Variants in ZBTB46 observed in about 807,000 individuals in gnomAD.
ZBTB46 encodes zinc finger and BTB domain-containing protein 46.
ZBTB46 carries 8 observed loss-of-function variants against 44.1 expected under a neutral mutation model. The ratio of observed to expected loss-of-function variants is 0.18; its 90% confidence interval spans 0.11 to 0.33. ZBTB46 has a LOEUF of 0.33. ZBTB46 is among the 10% of genes least tolerant of loss of function. The probability of loss-of-function intolerance (pLI) is 1.00; values close to 1 mark genes in which losing one functional copy is unlikely to be tolerated. For missense variants in ZBTB46, 651 were observed against 847.7 expected (o/e 0.77, Z 2.88); for synonymous variants, 409 against 382.3 (o/e 1.07, Z -0.81).
At chr20:63,749,535 A>G (rs976777690) in intron 4 of ZBTB46, among the ~76,000 whole-genome samples, 2 of 152,118 alleles carry the variant, frequency 1.3e-5, no homozygotes, top group Non-Finnish European at 2.9e-5. Context: ...ACGGGGTTTC[A>G]CCGTGTTAGC....
At chr20:63,785,628 TAAGA>T (rs1466722707) in intron 2 of ZBTB46, among the ~76,000 whole-genome samples, 1 of 152,184 alleles carries the variant, frequency 6.6e-6, no homozygotes, top group African/African-American at 2.4e-5. Flanking sequence ...TCCTCTTCTC[TAAGA>T]TAGAATAAAT....
At chr20:63,756,795 T>C (rs1275894443) in intron 3 of ZBTB46, among the ~76,000 whole-genome samples, 3 of 152,214 alleles carry the variant, frequency 2.0e-5, no homozygotes, top group Admixed American at 6.5e-5. Flanking sequence ...GTGTTGGGCT[T>C]TCTTCACTAG....
intron 1 of ZBTB46, among the ~76,000 whole-genome samples, chr20:63,793,062 G>A (rs964113769): frequency 2.6e-5 from 4 of 152,094 alleles, no homozygotes; most frequent in African/African-American, 7.2e-5. Flanking sequence ...CTGTGACGGC[G>A]GTGACCGCTG....
chr20:63,751,239 C>T (rs760775120), intron 4 of ZBTB46, among the ~76,000 whole-genome samples: 1 of 152,074 alleles, frequency 6.6e-6, no homozygotes, highest in African/African-American at 2.4e-5. Flanking sequence ...CCGGCGGCTC[C>T]GCGTGGATGT....
intron 1 of ZBTB46, among the ~76,000 whole-genome samples, chr20:63,806,424 G>GAAAAGAA (rs56746531): frequency 2.1e-5 from 3 of 141,604 alleles, no homozygotes; most frequent in African/African-American, 7.9e-5. Context: ...AAAAAAAAAA[G>GAAAAGAA]AAAGAAAAGA....
intron 3 of ZBTB46, among the ~76,000 whole-genome samples, chr20:63,756,762 C>T (rs1261133453): frequency 6.6e-6 from 1 of 152,178 alleles, no homozygotes; most frequent in Non-Finnish European, 1.5e-5. Context: ...CCTAGGGCTT[C>T]GTATACGTGG....
intron 1 of ZBTB46, among the ~76,000 whole-genome samples, chr20:63,804,896 A>C (rs1052391033): frequency 6.6e-5 from 10 of 151,454 alleles, no homozygotes; most frequent in Admixed American, 4.6e-4. Flanking sequence ...CGTCTCAAAA[A>C]AACAACAACA....
chr20:63,832,438 C>A (rs909101451), upstream of ZBTB46, among the ~76,000 whole-genome samples: 1 of 152,218 alleles, frequency 6.6e-6, no homozygotes, highest in Non-Finnish European at 1.5e-5. The surrounding 1 kb of genome is among the most constrained non-coding windows in gnomAD (Gnocchi z 5.0). Flanking sequence ...CCTGCGGGCC[C>A]AGCGCAGCGG....
chr20:63,825,316 G>A (rs1048665839), intron 1 of ZBTB46, among the ~76,000 whole-genome samples: 6 of 149,770 alleles, frequency 4.0e-5, no homozygotes, highest in Non-Finnish European at 7.4e-5. Context: ...CAGGAGATTC[G>A]CTTGAACCCG....
chr20:63,746,860 G>A lies in ZBTB46; in HGVS notation c.*70C>T, dbSNP rs1404247034. On this transcript the variant is annotated 3_prime_UTR_variant, in exon 5 of 5. Transcript: ENST00000245663. ...GGGTGAGCGTGGCCCTGGCCCCGCA[G>A]TGGAGACCCACCGGACACACACACG... is the stretch of plus-strand genomic sequence containing the variant. 1 of 1,433,154 alleles carries A rather than the reference G, an allele frequency of 7.0e-7. No homozygotes were observed. The highest frequency in any genetic ancestry group is 2.7e-5 in the Admixed American group (1 of 36,754). 88.8% of individuals were successfully genotyped at this position (1,433,154 alleles called of 1,614,324 possible). A position where few individuals can be genotyped will look rare whatever the true frequency, so the allele number is the denominator to read the frequency against.
chr20:63,809,970 A>AG (rs1221466591), intron 1 of ZBTB46, among the ~76,000 whole-genome samples: 1 of 152,018 alleles, frequency 6.6e-6, no homozygotes, highest in African/African-American at 2.4e-5. Context: ...TCAAAAAAAA[A>AG]AAAAGAAAAG....
chr20:63,829,372 G>A (rs899517478), intron 1 of ZBTB46, among the ~76,000 whole-genome samples: 1 of 152,276 alleles, frequency 6.6e-6, no homozygotes, highest in Non-Finnish European at 1.5e-5. Flanking sequence ...TGCTGTCAGT[G>A]AGAGGCTTAA....
chr20:63,826,021 TGCACGTAGCCCAAG>T (rs1358888600), intron 1 of ZBTB46, among the ~76,000 whole-genome samples: 1 of 152,236 alleles, frequency 6.6e-6, no homozygotes, highest in Non-Finnish European at 1.5e-5. Flanking sequence ...CTAAGCCCTC[TGCACGTAGCCCAAG>T]GCACAGCAGT....
chr20:63,787,848 ATC>A lies in ZBTB46; in HGVS notation c.937+1971_937+1972del, dbSNP rs1340879025. The A allele has an allele frequency of 6.6e-6, 1 of 152,248 alleles. No individual in the cohort carries two copies. The highest frequency in any genetic ancestry group is 2.4e-5 in the African/African-American group (1 of 41,454). 9.4% of individuals were successfully genotyped at this position (152,248 alleles called of 1,614,324 possible). ...CTGTGTTCACTCCCGGCTCTCGCAG[ATC>A]TCTCAGCGACGGAGAGGAGGGACCA... On this transcript the variant is annotated intron_variant, in intron 2 of 4. Coordinates refer to ENST00000245663, the MANE Select transcript of ZBTB46 (RefSeq NM_001369741.1). This position sits in a 1 kb window ranked among gnomAD's most constrained non-coding sequence, Gnocchi z 4.6.
intron 1 of ZBTB46, among the ~76,000 whole-genome samples, chr20:63,800,318 C>T (rs1023628754): frequency 1.3e-5 from 2 of 152,228 alleles, no homozygotes; most frequent in East Asian, 1.9e-4. Context: ...GGCAGACAAC[C>T]GGCCAGGGGC....
intron 3 of ZBTB46, among the ~76,000 whole-genome samples, chr20:63,758,356 C>A (rs2092243226): frequency 6.6e-6 from 1 of 151,838 alleles, no homozygotes; most frequent in Admixed American, 6.6e-5. Context: ...ACCAGCTTAC[C>A]CTGCCTTGCC....
At chr20:63,795,124 T>C (rs2145950617) in intron 1 of ZBTB46, among the ~76,000 whole-genome samples, 1 of 152,340 alleles carries the variant, frequency 6.6e-6, no homozygotes, top group South Asian at 2.1e-4. Context: ...TGCTGTCTCC[T>C]CCAAACACCG....
At chr20:63,776,143 C>T (rs1254487208) in intron 2 of ZBTB46, among the ~76,000 whole-genome samples, 181 bp from the exon 3 acceptor site, 2 of 152,260 alleles carry the variant, frequency 1.3e-5, no homozygotes, top group South Asian at 2.1e-4. Flanking sequence ...CGGCCCAGCC[C>T]GGCCTTTCCT....
At chr20:63,793,457 G>A (rs2145942986) in intron 1 of ZBTB46, among the ~76,000 whole-genome samples, 1 of 152,250 alleles carries the variant, frequency 6.6e-6, no homozygotes, top group South Asian at 2.1e-4. Context: ...TCCCGAAGCT[G>A]GGGGGTCCAC....
Sources: allele counts gnomAD v4.1 joint callset (sites outside exome capture counted in the v4.1 genomes callset), GRCh38; gene constraint gnomAD v4.1.1; non-coding constraint Gnocchi (gnomAD v3.1); transcripts MANE v1.5; gene names NCBI Gene and HGNC (gene_info 2026-07-23, HGNC 2026-07-21).